The following PLPPR1 variants were observed in gnomAD, a reference collection of about 807,000 sequenced individuals.
PLPPR1 encodes phospholipid phosphatase related 1, also known as phospholipid phosphatase-related protein type 1.
In PLPPR1, 10 loss-of-function variants were observed where a neutral mutation model predicts 33.1. The observed-to-expected ratio is 0.30, with a 90% CI of 0.19 to 0.51. The LOEUF is 0.51. PLPPR1 is among the 20% of genes least tolerant of loss of function. The pLI, the probability that PLPPR1 is intolerant of heterozygous loss-of-function variation, is 0.97. For synonymous variants in PLPPR1, 151 were observed against 151.0 expected, an observed-to-expected ratio of 1.00 and a Z score of 0.00; for missense variants, 304 against 408.1, an observed-to-expected ratio of 0.74 and a Z score of 2.20.
At chr9:101,185,292 A>G (rs1826186018) in intron 1 of PLPPR1, 158 bp from the exon 2 acceptor site, 1 of 454,068 alleles carries the variant, frequency 2.2e-6, no homozygotes, top group Non-Finnish European at 3.9e-6. Context: ...TGGAATGATT[A>G]TTAGTCTGAC....
At chr9:101,175,962 C>A (rs2118698553) in intron 1 of PLPPR1, among the ~76,000 whole-genome samples, 1 of 152,286 alleles carries the variant, frequency 6.6e-6, no homozygotes, top group Non-Finnish European at 1.5e-5. Context: ...GCCAGACTGG[C>A]TAAGGACTTC....
chr9:101,039,775 A>G (rs1447078872), intron 1 of PLPPR1, among the ~76,000 whole-genome samples: 1 of 152,112 alleles, frequency 6.6e-6, no homozygotes, highest in African/African-American at 2.4e-5. Flanking sequence ...CGTGAGACTC[A>G]TTAACTATCG....
At chr9:101,248,952 C>T (rs1036524836) in intron 2 of PLPPR1, among the ~76,000 whole-genome samples, 1 of 152,004 alleles carries the variant, frequency 6.6e-6, no homozygotes, top group Non-Finnish European at 1.5e-5. Flanking sequence ...CATCTTCCTA[C>T]CAAAATACAT....
At chr9:101,056,998 T>G (rs1388725128) in intron 1 of PLPPR1, among the ~76,000 whole-genome samples, 1 of 152,132 alleles carries the variant, frequency 6.6e-6, no homozygotes, top group African/African-American at 2.4e-5. Context: ...CTCTGCCCTG[T>G]GTCCCCAGCC....
In PLPPR1 at chr9:101,228,524, A is replaced by G. The variant is rs916921657; in HGVS notation, c.64-41356A>G. 1.1e-4 allele frequency among the ~76,000 whole-genome samples: 17 copies of G among 152,318 alleles called. 1 individual carries two copies. The South Asian group carries it at 3.5e-3, about 32-fold the overall frequency. The stretch of plus-strand genomic sequence containing the variant: ...AAATTTTTAAAGACATTGTCAAAGA[A>G]TAAGTATATAAAACAGACAAGAAGG... On this transcript the variant is annotated intron_variant, in intron 2 of 7. Coordinates refer to ENST00000374874, the MANE Select transcript of PLPPR1 (RefSeq NM_207299.2).
chr9:101,199,785 A>C (rs1401845806), intron 2 of PLPPR1, among the ~76,000 whole-genome samples: 1 of 152,166 alleles, frequency 6.6e-6, no homozygotes, highest in African/African-American at 2.4e-5. Context: ...TCACTAGCAC[A>C]CTTTTTTCAT....
chr9:101,188,739 TA>T (rs1224778403), intron 2 of PLPPR1, among the ~76,000 whole-genome samples: 1 of 152,110 alleles, frequency 6.6e-6, no homozygotes, highest in Non-Finnish European at 1.5e-5. Flanking sequence ...TTTCTTTTTT[TA>T]AATTACTTTA....
intron 1 of PLPPR1, among the ~76,000 whole-genome samples, chr9:101,142,886 T>G (rs1409667095): frequency 6.6e-6 from 1 of 152,024 alleles, no homozygotes; most frequent in South Asian, 2.1e-4. Flanking sequence ...GTGTTATGAG[T>G]GAGAAAAGCA....
chr9:101,294,052 G>A (rs7022932), intron 4 of PLPPR1, among the ~76,000 whole-genome samples: 6,279 of 148,424 alleles, frequency 0.042, 266 homozygotes, highest in African/African-American at 0.11. Flanking sequence ...TTGATAGACC[G>A]CTAGCAAGAC....
intron 2 of PLPPR1, among the ~76,000 whole-genome samples, chr9:101,256,201 T>C (rs370336947): frequency 4.6e-5 from 7 of 152,336 alleles, no homozygotes; most frequent in African/African-American, 1.7e-4. Flanking sequence ...TTTGAAACTT[T>C]CTGCATATAG....
intron 2 of PLPPR1, among the ~76,000 whole-genome samples, chr9:101,203,309 C>G (rs966927756): frequency 1.3e-5 from 2 of 152,026 alleles, no homozygotes; most frequent in Non-Finnish European, 2.9e-5. Context: ...TAAAGCATAA[C>G]TTTTATGCTC....
chr9:101,094,385 T>C (rs1037316017), intron 1 of PLPPR1, among the ~76,000 whole-genome samples: 3 of 152,170 alleles, frequency 2.0e-5, no homozygotes, highest in Non-Finnish European at 4.4e-5. Flanking sequence ...ACTTTCTCTG[T>C]CTTGCTGAAT....
At chr9:101,191,535 G>C (rs1313435422) in intron 2 of PLPPR1, among the ~76,000 whole-genome samples, 1 of 151,506 alleles carries the variant, frequency 6.6e-6, no homozygotes, top group Non-Finnish European at 1.5e-5. Context: ...TCATGCTTGA[G>C]ACTTTTTTTG....
At chr9:101,041,690 C>A (rs1288896662) in intron 1 of PLPPR1, among the ~76,000 whole-genome samples, 8 of 152,194 alleles carry the variant, frequency 5.3e-5, no homozygotes, top group East Asian at 1.9e-4. Flanking sequence ...CATAAAGAAG[C>A]TTTGGACTAC....
intron 1 of PLPPR1, among the ~76,000 whole-genome samples, chr9:101,160,562 G>C (rs1831759986): frequency 6.6e-6 from 1 of 152,120 alleles, no homozygotes; most frequent in Admixed American, 6.6e-5. Flanking sequence ...CATAGTATGA[G>C]TAACAAATGA....
intron 4 of PLPPR1, among the ~76,000 whole-genome samples, chr9:101,292,239 G>A (rs564835057): frequency 2.5e-3 from 380 of 152,122 alleles, no homozygotes; most frequent in Non-Finnish European, 4.7e-3. Flanking sequence ...AAAATTTAGA[G>A]AAAAAAGAAT....
chr9:101,040,650 A>G (rs1830066372), intron 1 of PLPPR1, among the ~76,000 whole-genome samples: 1 of 152,174 alleles, frequency 6.6e-6, no homozygotes, highest in South Asian at 2.1e-4. Flanking sequence ...GTGTCATCAG[A>G]CAGGCCTTCC....
chr9:101,116,338 G>C (rs1268697882), intron 1 of PLPPR1, among the ~76,000 whole-genome samples: 1 of 152,142 alleles, frequency 6.6e-6, no homozygotes, highest in African/African-American at 2.4e-5. Flanking sequence ...CAAAAGGAAT[G>C]GGTAATGTAA....
intron 1 of PLPPR1, among the ~76,000 whole-genome samples, chr9:101,034,936 G>A (rs987992551): frequency 1.2e-4 from 18 of 152,246 alleles, no homozygotes; most frequent in African/African-American, 4.1e-4. Flanking sequence ...AGCCTAGGTA[G>A]AGTAGACATG....
Sources: gnomAD v4.1 joint callset for allele counts (sites outside exome capture counted in the v4.1 genomes callset) on GRCh38, gnomAD v4.1.1 for gene constraint, MANE v1.5 for transcripts, NCBI Gene and HGNC (gene_info 2026-07-23, HGNC 2026-07-21) for gene names.